ELP4: variants seen among roughly 807,000 people sequenced by gnomAD.
The protein encoded by ELP4 is elongator acetyltransferase complex subunit 4.
A neutral mutation model predicts 48.9 loss-of-function variants in ELP4; 51 were observed. That is an observed-to-expected ratio of 1.04 (90% CI 0.83 to 1.32). ELP4 has a LOEUF of 1.32. Ranked by LOEUF, ELP4 falls within the 40% of genes most tolerant of loss-of-function variation. The pLI is 0.00. For synonymous variants in ELP4, 210 were observed against 189.2 expected, an observed-to-expected ratio of 1.11 and a Z score of -0.90; for missense variants, 519 against 514.6, an observed-to-expected ratio of 1.01 and a Z score of -0.08.
chr11:31,771,612 C>T (rs1242400653), intron 9 of ELP4, among the ~76,000 whole-genome samples: 3 of 152,218 alleles, frequency 2.0e-5, no homozygotes, highest in Admixed American at 1.3e-4. Context: ...CTTATTCCCA[C>T]CTCACGGTTT....
chr11:31,683,897 C>T (rs1452011320), intron 9 of ELP4, among the ~76,000 whole-genome samples: 12 of 151,986 alleles, frequency 7.9e-5, no homozygotes, highest in Non-Finnish European at 1.3e-4. Context: ...AGACTTCAGC[C>T]GTAGGAAAGA....
chr11:31,562,915 G>C (rs1228438924), intron 3 of ELP4, among the ~76,000 whole-genome samples: 1 of 152,014 alleles, frequency 6.6e-6, no homozygotes, highest in African/African-American at 2.4e-5. Context: ...AGATAATACA[G>C]GGAATATACT....
chr11:31,745,723 C>T (rs1947574021), intron 9 of ELP4, among the ~76,000 whole-genome samples: 1 of 152,126 alleles, frequency 6.6e-6, no homozygotes, highest in African/African-American at 2.4e-5. Flanking sequence ...TTCCTTACAC[C>T]TTATACAAAA....
intron 5 of ELP4, among the ~76,000 whole-genome samples, chr11:31,609,654 C>A (rs1398303005): frequency 6.6e-6 from 1 of 152,058 alleles, no homozygotes; most frequent in Admixed American, 6.6e-5. Flanking sequence ...CCCAAGGGGG[C>A]TCCTTGGGAG....
intron 3 of ELP4, among the ~76,000 whole-genome samples, chr11:31,589,388 G>T (rs762048218): frequency 2.0e-5 from 3 of 152,116 alleles, no homozygotes; most frequent in Non-Finnish European, 2.9e-5. Flanking sequence ...AAAATGTTTG[G>T]CACAGATGAA....
In ELP4 at chr11:31,675,551, G is replaced by A. The variant is rs567641004; in HGVS notation, c.1143+25330G>A. On this transcript the variant is annotated intron_variant, in intron 9 of 9. Coordinates refer to ENST00000640961, the MANE Select transcript of ELP4 (RefSeq NM_019040.5). ...GCTGGGATTACAGGTGTGAGCCACC[G>A]CGCCCAGCTACATTTAATCTTTTTA... Among the ~76,000 whole-genome samples the A allele has an allele frequency of 1.6e-4, 25 of 152,190 alleles. No homozygotes were observed. The South Asian group carries it at 2.1e-3, about 13-fold the overall frequency.
intron 3 of ELP4, among the ~76,000 whole-genome samples, chr11:31,546,983 G>A (rs1484873656): frequency 6.6e-6 from 1 of 151,964 alleles, no homozygotes; most frequent in Non-Finnish European, 1.5e-5. Context: ...CACATTCAAA[G>A]CAGTGTGTAG....
At chr11:31,735,200 C>T (rs1947281855) in intron 9 of ELP4, among the ~76,000 whole-genome samples, 1 of 150,526 alleles carries the variant, frequency 6.6e-6, no homozygotes, top group Non-Finnish European at 1.5e-5. Context: ...AGATTGGATC[C>T]TCATCTTACA....
chr11:31,573,945 A>G (rs1041374224), intron 3 of ELP4, among the ~76,000 whole-genome samples: 7 of 152,180 alleles, frequency 4.6e-5, no homozygotes, highest in South Asian at 2.1e-4. Flanking sequence ...TAGGACTTCA[A>G]TGTATGGACC....
At chr11:31,731,695 C>T (rs2134202547) in intron 9 of ELP4, among the ~76,000 whole-genome samples, 1 of 151,512 alleles carries the variant, frequency 6.6e-6, no homozygotes, top group South Asian at 2.1e-4. Context: ...AATGTATATC[C>T]AAATTCAAGA....
Position 31,783,417 on chromosome 11 carries a change from T to C in ELP4, c.1168T>C (p.Ser390Pro). 1 of 1,614,078 alleles carries C rather than the reference T, an allele frequency of 6.2e-7. No homozygotes were observed. The highest frequency in any genetic ancestry group is 8.5e-7 in the Non-Finnish European group (1 of 1,179,918). Residue 390 changes from serine to proline, a missense_variant, in exon 10 of 10, where the codon TCA (serine) becomes CCA (proline). Physicochemically the swap from Ser to Pro is moderately conservative, Grantham distance 74. Coordinates refer to ENST00000640961, the MANE Select transcript of ELP4 (RefSeq NM_019040.5). ...GCGACTGCATTTGCCTCCAGACTTG[T>C]CAGACACAGTGAGCCGCTCAAGCAA... Reference protein sequence around the residue: ...IERLHLPPDLSDTVSRSSKMD... With the variant: ...IERLHLPPDLPDTVSRSSKMD...
chr11:31,594,754 C>A lies in ELP4; in HGVS notation c.382-16C>A. ...TTACCACAGAATCTCAATTATGTGTCATTTTGTTTTCTTAGGAACTTCCAG... is the reference window on the plus strand; with the variant it reads ...TTACCACAGAATCTCAATTATGTGTAATTTTGTTTTCTTAGGAACTTCCAG... On this transcript the variant is annotated splice_polypyrimidine_tract_variant and intron_variant, in intron 3 of 9. Coordinates refer to ENST00000640961, the MANE Select transcript of ELP4 (RefSeq NM_019040.5). 1.4e-6 allele frequency: 2 copies of A among 1,469,360 alleles called. No individual in the cohort carries two copies. Among genetic ancestry groups the A allele is most frequent in the South Asian group, 3.0e-5 (2 of 66,384 alleles). The allele number at this position is 1,469,360 out of a possible 1,614,324, so 91.0% of individuals were successfully genotyped here.
chr11:31,518,492 A>G (rs1318492064), intron 1 of ELP4, among the ~76,000 whole-genome samples: 1 of 140,776 alleles, frequency 7.1e-6, no homozygotes, highest in Non-Finnish European at 1.6e-5. Flanking sequence ...ACCATAGTTC[A>G]GATTTTTTTT....
intron 5 of ELP4, among the ~76,000 whole-genome samples, chr11:31,608,955 A>C (rs1254559079): frequency 1.3e-5 from 2 of 152,134 alleles, no homozygotes; most frequent in Non-Finnish European, 2.9e-5. Flanking sequence ...GGGCTCTGTC[A>C]GTCTTCAGCA....
chr11:31,623,374 T>TAA (rs142596372), intron 5 of ELP4, among the ~76,000 whole-genome samples: 10 of 111,028 alleles, frequency 9.0e-5, no homozygotes, highest in African/African-American at 3.6e-4. Context: ...TATATATATA[T>TAA]ATATATATAT....
intron 9 of ELP4, among the ~76,000 whole-genome samples, chr11:31,679,637 A>G (rs1946014719): frequency 6.6e-6 from 1 of 152,146 alleles, no homozygotes; most frequent in Non-Finnish European, 1.5e-5. Flanking sequence ...ATACCCAAAT[A>G]TGGTTACATT....
chr11:31,544,408 A>G (rs1956655704), intron 3 of ELP4, among the ~76,000 whole-genome samples: 1 of 152,198 alleles, frequency 6.6e-6, no homozygotes, highest in Admixed American at 6.5e-5. Context: ...CTAGCACAGC[A>G]GTCTGAGATC....
At chr11:31,604,250 T>C (rs1957831437) in intron 5 of ELP4, among the ~76,000 whole-genome samples, 1 of 151,848 alleles carries the variant, frequency 6.6e-6, no homozygotes, top group Non-Finnish European at 1.5e-5. Flanking sequence ...ACCTAATAAA[T>C]ATGTATTGAT....
chr11:31,562,191 G>A (rs982165740), intron 3 of ELP4, among the ~76,000 whole-genome samples: 1 of 152,134 alleles, frequency 6.6e-6, no homozygotes, highest in East Asian at 1.9e-4. Context: ...GATCTTTTGT[G>A]ATTGGTACTT....
Sources: gnomAD v4.1 joint callset for allele counts (sites outside exome capture counted in the v4.1 genomes callset) on GRCh38, gnomAD v4.1.1 for gene constraint, MANE v1.5 for transcripts, NCBI Gene and HGNC (gene_info 2026-07-23, HGNC 2026-07-21) for gene names.